BPIFC: variants seen among roughly 807,000 people sequenced by gnomAD.
The protein encoded by BPIFC is BPI fold containing family C, also known as BPI fold-containing family C protein.
In BPIFC, 60 loss-of-function variants were observed where a neutral mutation model predicts 57.6. The ratio of observed to expected loss-of-function variants is 1.04; its 90% CI spans 0.85 to 1.29. The LOEUF (loss-of-function observed/expected upper bound fraction) is 1.29, where lower values mean the gene tolerates loss of function less well. Among genes scored for constraint, BPIFC ranks in the 50% most tolerant of loss-of-function variants. The pLI is 0.00. For missense variants in BPIFC, 581 were observed against 600.5 expected (o/e 0.97, Z 0.34); for synonymous variants, 243 against 224.5 (o/e 1.08, Z -0.74).
chr22:32,416,079 C>CTTT (rs386395239), intron 15 of BPIFC, 88 bp from the exon 16 acceptor site: 674 of 434,098 alleles, frequency 1.6e-3, no homozygotes, highest in East Asian at 6.4e-3. Context: ...TGACAGCTTG[C>CTTT]TTTTTTTTTT....
intron 2 of BPIFC, among the ~76,000 whole-genome samples, chr22:32,458,985 T>C (rs974465677): frequency 6.6e-6 from 1 of 152,232 alleles, no homozygotes; most frequent in African/African-American, 2.4e-5. Flanking sequence ...ATTAATGGCA[T>C]CCCATTTTCT....
At chr22:32,451,376 T>C (rs1470066920) in intron 4 of BPIFC, among the ~76,000 whole-genome samples, 2 of 152,228 alleles carry the variant, frequency 1.3e-5, no homozygotes, top group Admixed American at 6.5e-5. Flanking sequence ...TATACTCCTT[T>C]GGGTATATAC....
At chr22:32,443,181 T>TTTTTTTTTTA (rs1934615986) in intron 7 of BPIFC, among the ~76,000 whole-genome samples, 1 of 149,700 alleles carries the variant, frequency 6.7e-6, no homozygotes, top group Non-Finnish European at 1.5e-5. Flanking sequence ...TTTTTTTTTT[T>TTTTTTTTTTA]GAGACGAAGT....
intron 2 of BPIFC, among the ~76,000 whole-genome samples, chr22:32,458,415 G>T (rs1935091343): frequency 6.6e-6 from 1 of 152,130 alleles, no homozygotes; most frequent in African/African-American, 2.4e-5. Context: ...TGCAGAACAT[G>T]GACACCTTCC....
In BPIFC at chr22:32,462,619, C is replaced by G. The variant is rs76693310; in HGVS notation, c.-88-958G>C. ...CTTATTATCTTACTCCCATTTTAGA[C>G]ACGTGGACATGGAGGCTTAGAGAAT... is the stretch of plus-strand genomic sequence containing the variant. On this transcript the variant is annotated intron_variant, in intron 1 of 16. Transcript: ENST00000300399. Among the ~76,000 whole-genome samples, 1,455 of 152,280 alleles carry G rather than the reference C, an allele frequency of 9.6e-3. 25 individuals carry two copies. Among genetic ancestry groups the G allele is most frequent in the African/African-American group, 0.033 (1,357 of 41,554 alleles).
At chr22:32,462,839 A>G (rs1601491249) in intron 1 of BPIFC, among the ~76,000 whole-genome samples, 1 of 152,248 alleles carries the variant, frequency 6.6e-6, no homozygotes, top group African/African-American at 2.4e-5. Context: ...TGTTGTTTAA[A>G]AGTTACTCAA....
intron 4 of BPIFC, among the ~76,000 whole-genome samples, chr22:32,448,132 G>A (rs996627780): frequency 2.7e-5 from 4 of 150,764 alleles, no homozygotes; most frequent in Non-Finnish European, 4.4e-5. Flanking sequence ...GCAGTGGCAC[G>A]ATCTCAGCTC....
At chr22:32,460,910 T>C (rs1935146313) in intron 2 of BPIFC, among the ~76,000 whole-genome samples, 1 of 152,218 alleles carries the variant, frequency 6.6e-6, no homozygotes, top group Non-Finnish European at 1.5e-5. Flanking sequence ...TGTTAAGTGT[T>C]GGTAGAATGA....
intron 3 of BPIFC, among the ~76,000 whole-genome samples, chr22:32,456,814 C>A (rs1935048427): frequency 6.6e-6 from 1 of 152,186 alleles, no homozygotes; most frequent in South Asian, 2.1e-4. Flanking sequence ...CTCCTTCCCA[C>A]ATCCAATAAA....
At position 32,419,302 on chromosome 22, in the gene BPIFC, T is replaced by C; in HGVS notation, c.1260+60A>G. 3 of 1,509,124 alleles carry C rather than the reference T, an allele frequency of 2.0e-6. No individual in the cohort carries two copies. In the South Asian group the frequency reaches 3.5e-5, roughly 18 times the overall value. 93.5% of individuals were successfully genotyped at this position (1,509,124 alleles called of 1,614,324 possible). A position where few individuals can be genotyped will look rare whatever the true frequency, so the allele number is the denominator to read the frequency against. ...AGAAAACAATTAATTCGCTATTATA[T>C]ATAGTAGGAGAATCCTCGTTCTTCC... is the stretch of plus-strand genomic sequence containing the variant. On this transcript the variant is annotated intron_variant, in intron 14 of 16. Transcript: ENST00000300399.
At chr22:32,432,237 C>T (rs9609550) in intron 12 of BPIFC, 136 bp downstream of exon 12, 163,726 of 941,214 alleles carry the variant, frequency 0.17, 19,294 homozygotes, top group African/African-American at 0.55. Flanking sequence ...TGAGCCATCA[C>T]GTCCAGCCTC....
intron 3 of BPIFC, among the ~76,000 whole-genome samples, chr22:32,456,277 C>T (rs1935034921): frequency 1.3e-5 from 2 of 152,194 alleles, no homozygotes. Flanking sequence ...TCTACACACA[C>T]CATTGTCCAC....
In BPIFC at chr22:32,444,804, C is replaced by G. The variant is rs140377225; in HGVS notation, c.594+831G>C. On this transcript the variant is annotated intron_variant, in intron 7 of 16. Coordinates refer to ENST00000300399, the MANE Select transcript of BPIFC (RefSeq NM_174932.3). ...ATCCTGTAAAAATTATCTCCCAGGA[C>G]ACTTCCAGGCCCTATTTCTTCAAAA... Among the ~76,000 whole-genome samples the G allele has an allele frequency of 2.9e-3, 443 of 152,258 alleles. 4 individuals carry two copies. Among genetic ancestry groups the G allele is most frequent in the African/African-American group, 0.01 (428 of 41,552 alleles).
chr22:32,429,451 T>G (rs1934168291), intron 13 of BPIFC, among the ~76,000 whole-genome samples: 1 of 149,816 alleles, frequency 6.7e-6, no homozygotes, highest in Non-Finnish European at 1.5e-5. Flanking sequence ...CATGATCCGC[T>G]CGCCTCAGCC....
Position 32,414,087 on chromosome 22 carries a change from G to T in BPIFC, c.*216C>A. Reference sequence around the variant, plus strand: ...CAAACAAACATAAACACAGACACACGCAGCATGCATACACTCACATTCAGA... The same window carrying T: ...CAAACAAACATAAACACAGACACACTCAGCATGCATACACTCACATTCAGA... On this transcript the variant is annotated 3_prime_UTR_variant, in exon 17 of 17. Coordinates refer to ENST00000300399, the MANE Select transcript of BPIFC (RefSeq NM_174932.3). The T allele has an allele frequency of 5.2e-6, 2 of 386,086 alleles. No homozygotes were observed. Among genetic ancestry groups the T allele is most frequent in the South Asian group, 8.5e-5 (2 of 23,546 alleles). 23.9% of individuals were successfully genotyped at this position (386,086 alleles called of 1,614,324 possible).
chr22:32,431,962 C>G (rs1205089552), intron 12 of BPIFC, among the ~76,000 whole-genome samples: 2 of 151,958 alleles, frequency 1.3e-5, no homozygotes, highest in Non-Finnish European at 2.9e-5. Context: ...GAGACAGGGT[C>G]TTACCCTGTT....
chr22:32,429,944 A>G (rs1297979098), intron 13 of BPIFC, among the ~76,000 whole-genome samples: 2 of 151,996 alleles, frequency 1.3e-5, no homozygotes, highest in Admixed American at 1.3e-4. Context: ...CTTTTCTTCC[A>G]TACATTTAGT....
intron 13 of BPIFC, 34 bp from the exon 14 acceptor site, chr22:32,419,438 A>G (rs1311303252): frequency 1.3e-6 from 2 of 1,589,568 alleles, no homozygotes; most frequent in South Asian, 1.1e-5. Context: ...AAAGGATTTG[A>G]AAACAACAGC....
At chr22:32,459,693 A>G (rs1013340461) in intron 2 of BPIFC, among the ~76,000 whole-genome samples, 4 of 151,406 alleles carry the variant, frequency 2.6e-5, no homozygotes, top group Non-Finnish European at 5.9e-5. Flanking sequence ...TAAAAAAAAA[A>G]CTAAAAAATT....
Sources: gnomAD v4.1 joint callset for allele counts (sites outside exome capture counted in the v4.1 genomes callset) on GRCh38, gnomAD v4.1.1 for gene constraint, MANE v1.5 for transcripts, NCBI Gene and HGNC (gene_info 2026-07-23, HGNC 2026-07-21) for gene names.